Variants in ANKS1B observed in about 807,000 individuals in gnomAD.
ANKS1B encodes ankyrin repeat and sterile alpha motif domain containing 1B.
A neutral mutation model predicts 148.3 loss-of-function variants in ANKS1B; 36 were observed. The ratio of observed to expected loss-of-function variants is 0.24; its 90% confidence interval spans 0.19 to 0.32. ANKS1B has a LOEUF of 0.32. ANKS1B is among the 10% of genes least tolerant of loss of function. ANKS1B has a pLI of 1.00. For synonymous variants in ANKS1B, 542 were observed against 560.8 expected (o/e 0.97, Z 0.47); for missense variants, 1,157 against 1,542.6 (o/e 0.75, Z 4.19).
At chr12:99,631,076 C>T (rs981386998) in intron 9 of ANKS1B, among the ~76,000 whole-genome samples, 2 of 152,072 alleles carry the variant, frequency 1.3e-5, no homozygotes, top group African/African-American at 2.4e-5. Flanking sequence ...GCTCCTCATT[C>T]GCCCTCCACC....
At chr12:99,778,374 G>A (rs963025696) in intron 6 of ANKS1B, among the ~76,000 whole-genome samples, 5 of 152,060 alleles carry the variant, frequency 3.3e-5, no homozygotes, top group Non-Finnish European at 4.4e-5. Context: ...CAGACATGGC[G>A]GCAAGTGCCT....
chr12:99,334,419 C>A (rs1389397418), intron 12 of ANKS1B, among the ~76,000 whole-genome samples: 2 of 152,036 alleles, frequency 1.3e-5, no homozygotes, highest in Non-Finnish European at 2.9e-5. Flanking sequence ...AGAATGGAAG[C>A]TGCCCACACA....
intron 17 of ANKS1B, among the ~76,000 whole-genome samples, chr12:98,914,251 C>T (rs573802906): frequency 1.3e-5 from 2 of 152,150 alleles, no homozygotes; most frequent in South Asian, 4.2e-4. Context: ...GGCTCCTTGT[C>T]ACCTTTTCAG....
At chr12:99,467,625 A>G (rs529628954) in intron 10 of ANKS1B, among the ~76,000 whole-genome samples, 1 of 152,308 alleles carries the variant, frequency 6.6e-6, no homozygotes, top group East Asian at 1.9e-4. Flanking sequence ...AAAAATCACA[A>G]GCATTCTTAT....
intron 14 of ANKS1B, among the ~76,000 whole-genome samples, chr12:99,237,219 C>CTG (rs561522080): frequency 6.6e-6 from 1 of 152,012 alleles, no homozygotes; most frequent in Non-Finnish European, 1.5e-5. Flanking sequence ...GGGTGTGTTC[C>CTG]TGTGTGTTTG....
In ANKS1B at chr12:99,632,571, T is replaced by TG. The variant is rs1378271252; in HGVS notation, c.1272+22495dup. 7.3e-5 allele frequency among the ~76,000 whole-genome samples: 11 copies of TG among 151,378 alleles called. No individual in the cohort carries two copies. In the East Asian group the frequency reaches 2.2e-3, roughly 30 times the overall value. On this transcript the variant is annotated intron_variant, in intron 9 of 26. Coordinates refer to ENST00000683438, the MANE Select transcript of ANKS1B (RefSeq NM_001352186.2). The stretch of plus-strand genomic sequence containing the variant: ...ACAAAGGCAGGGTTTTTCAAGGCCT[T>TG]GGGGACTTAACCCCCACATCAGTTT...
intron 17 of ANKS1B, among the ~76,000 whole-genome samples, chr12:98,981,617 T>C (rs1210469255): frequency 6.6e-6 from 1 of 152,192 alleles, no homozygotes; most frequent in Non-Finnish European, 1.5e-5. Flanking sequence ...ATTACAGGCG[T>C]GAGCCACTGT....
chr12:99,908,423 T>C (rs1218775437), intron 1 of ANKS1B, among the ~76,000 whole-genome samples: 2 of 151,756 alleles, frequency 1.3e-5, no homozygotes, highest in Non-Finnish European at 2.9e-5. Flanking sequence ...TACAAAAAAA[T>C]ATAAAAATTA....
chr12:99,418,921 G>A (rs549093708), intron 11 of ANKS1B, among the ~76,000 whole-genome samples: 2 of 152,106 alleles, frequency 1.3e-5, no homozygotes, highest in East Asian at 3.9e-4. Context: ...ATCATTATGT[G>A]GATTTTCTTC....
At chr12:99,121,617 C>T (rs1018226142) in intron 15 of ANKS1B, among the ~76,000 whole-genome samples, 2 of 152,082 alleles carry the variant, frequency 1.3e-5, no homozygotes, top group African/African-American at 2.4e-5. Flanking sequence ...TTTGTGGAAG[C>T]AGGATCAGTA....
chr12:99,129,527 C>T (rs6538902), intron 15 of ANKS1B, among the ~76,000 whole-genome samples: 103,647 of 151,952 alleles, frequency 0.68, 35,664 homozygotes, highest in East Asian at 0.84. Flanking sequence ...CACTTTGGGT[C>T]TGATTTGGTC....
intron 16 of ANKS1B, among the ~76,000 whole-genome samples, chr12:99,060,708 TAGAG>T (rs34719507): frequency 1.6e-3 from 223 of 140,974 alleles, no homozygotes; most frequent in African/African-American, 4.3e-3. Flanking sequence ...CACATATATA[TAGAG>T]AGAGAGAGCC....
intron 4 of ANKS1B, among the ~76,000 whole-genome samples, chr12:99,805,262 G>GAAAAAAAAAAAAA (rs1567880890): frequency 2.4e-4 from 2 of 8,306 alleles, no homozygotes; most frequent in African/African-American, 1.2e-3. Context: ...GGAGGAAAAG[G>GAAAAAAAAAAAAA]CAAAAAAAAA....
chr12:99,728,015 A>C (rs1196103970), intron 8 of ANKS1B, among the ~76,000 whole-genome samples: 1 of 152,206 alleles, frequency 6.6e-6, no homozygotes, highest in Non-Finnish European at 1.5e-5. Flanking sequence ...TGTAAAACCC[A>C]AAACCATAAA....
intron 14 of ANKS1B, among the ~76,000 whole-genome samples, chr12:99,214,852 C>A (rs576731689): frequency 6.6e-6 from 1 of 152,244 alleles, no homozygotes; most frequent in Admixed American, 6.5e-5. Flanking sequence ...CCAAAAAGTC[C>A]AGGCTGAGGT....
At position 99,399,682 on chromosome 12, in the gene ANKS1B, T is replaced by C; in HGVS notation, c.1705A>G (p.Thr569Ala). Residue 569 changes from threonine to alanine, a missense_variant, in exon 12 of 27, where the codon ACC (threonine) becomes GCC (alanine). Physicochemically the swap from Thr to Ala is moderately conservative, Grantham distance 58. This residue lies in a region of ANKS1B where 661 missense variants were observed against 642.1 expected (regional missense o/e 1.03). Transcript: ENST00000683438. Reference sequence around the variant, plus strand: ...ACTTCTGTGGTTCCCACAGAAGAGGTGGGTGGACTAGCAGGAGGACTGGCA... The same window carrying C: ...ACTTCTGTGGTTCCCACAGAAGAGGCGGGTGGACTAGCAGGAGGACTGGCA... ...FTASPPASPP[T>A]SSVGTTEVKN... is the part of the protein sequence containing the mutation. The C allele has an allele frequency of 6.2e-7, 1 of 1,613,458 alleles. No homozygotes were observed. The highest frequency in any genetic ancestry group is 2.2e-5 in the East Asian group (1 of 44,874).
rs547359020 is a variant in ANKS1B at position 99,180,435 on chromosome 12, A to G, written c.2420-26040T>C. Among the ~76,000 whole-genome samples, 238 of 152,210 alleles carry G rather than the reference A, an allele frequency of 1.6e-3. 2 individuals are homozygous for G. Among genetic ancestry groups the G allele is most frequent in the African/African-American group, 5.6e-3 (232 of 41,534 alleles). ...GGTGATTATAGGAATCAGACATGTA[A>G]TTTTTGCTTCATTAGAAGAATCTTC... On this transcript the variant is annotated intron_variant, in intron 14 of 26. Transcript: ENST00000683438.
Position 98,918,623 on chromosome 12 carries a change from T to A in ANKS1B, c.2779-86487A>T, listed in dbSNP as rs1177069519. 2.0e-5 allele frequency among the ~76,000 whole-genome samples: 3 copies of A among 152,200 alleles called. No homozygotes were observed. The East Asian group carries it at 5.8e-4, about 29-fold the overall frequency. ...ATTCTTGGATTAAATGGTATGCACA[T>A]TTTAATGCTCTTGAGACAAGTATGC... On this transcript the variant is annotated intron_variant, in intron 17 of 26. Coordinates refer to ENST00000683438, the MANE Select transcript of ANKS1B (RefSeq NM_001352186.2).
chr12:99,394,745 T>G (rs1010372332), intron 12 of ANKS1B, among the ~76,000 whole-genome samples: 3 of 152,098 alleles, frequency 2.0e-5, no homozygotes, highest in African/African-American at 7.2e-5. Flanking sequence ...ATTCCATCCT[T>G]CCTCAAGCTC....
Sources: allele counts gnomAD v4.1 joint callset (sites outside exome capture counted in the v4.1 genomes callset), GRCh38; gene constraint gnomAD v4.1.1; regional missense constraint gnomAD v4.1.1; transcripts MANE v1.5; gene names NCBI Gene and HGNC (gene_info 2026-07-23, HGNC 2026-07-21).